Variants in CDH18 observed in about 807,000 individuals in gnomAD.
CDH18 encodes the protein cadherin 18, also known as cadherin-18.
CDH18 carries 31 observed loss-of-function variants against 67.9 expected under a neutral mutation model. The ratio of observed to expected loss-of-function variants is 0.46; its 90% CI spans 0.34 to 0.62. The LOEUF (loss-of-function observed/expected upper bound fraction) is 0.62, where lower values mean the gene tolerates loss of function less well. Ranked by LOEUF, CDH18 falls within the 20% of genes least tolerant of loss-of-function variation. The probability of loss-of-function intolerance (pLI) is 0.01; values close to 1 mark genes in which losing one functional copy is unlikely to be tolerated. For synonymous variants in CDH18, 362 were observed against 347.2 expected (o/e 1.04, Z -0.48); for missense variants, 890 against 975.5 (o/e 0.91, Z 1.17).
chr5:19,483,255 C>T (rs761968282), intron 12 of CDH18, 46 bp downstream of exon 12: 1 of 1,557,730 alleles, frequency 6.4e-7, no homozygotes, highest in Non-Finnish European at 8.7e-7. Context: ...GATTCCCTCT[C>T]ATTCAGAATT....
intron 1 of CDH18, among the ~76,000 whole-genome samples, chr5:20,294,905 T>G (rs547180308): frequency 1.2e-4 from 19 of 152,322 alleles, no homozygotes; most frequent in African/African-American, 4.3e-4. Context: ...ATTGACTCAG[T>G]ATAGTCACTT....
intron 1 of CDH18, among the ~76,000 whole-genome samples, chr5:20,377,345 C>CA (rs1232127229): frequency 6.6e-6 from 1 of 151,852 alleles, no homozygotes; most frequent in African/African-American, 2.4e-5. Flanking sequence ...ATCTCATTTC[C>CA]AAAAAAATGA....
At chr5:20,378,087 T>G (rs10070476) in intron 1 of CDH18, among the ~76,000 whole-genome samples, 25,277 of 152,196 alleles carry the variant, frequency 0.17, 2,237 homozygotes, top group African/African-American at 0.18. Context: ...AAAATTGTTT[T>G]GCCTATCTGT....
At chr5:20,490,479 A>G (rs1270965282) in intron 1 of CDH18, among the ~76,000 whole-genome samples, 1 of 152,166 alleles carries the variant, frequency 6.6e-6, no homozygotes, top group Non-Finnish European at 1.5e-5. Flanking sequence ...TCAAAGTTCT[A>G]TTAGAAGGCT....
At chr5:20,448,674 T>G (rs1750194531) in intron 1 of CDH18, among the ~76,000 whole-genome samples, 1 of 152,136 alleles carries the variant, frequency 6.6e-6, no homozygotes, top group African/African-American at 2.4e-5. Context: ...ATACAGTACT[T>G]ATTTTTACAG....
chr5:20,566,222 A>G (rs770511983), intron 1 of CDH18, among the ~76,000 whole-genome samples: 4 of 152,154 alleles, frequency 2.6e-5, no homozygotes, highest in Non-Finnish European at 5.9e-5. Flanking sequence ...AGGCTAGGCT[A>G]CATACTCAGA....
intron 2 of CDH18, among the ~76,000 whole-genome samples, chr5:20,129,822 T>G (rs1688308765): frequency 6.6e-6 from 1 of 151,996 alleles, no homozygotes; most frequent in African/African-American, 2.4e-5. Context: ...ACATAAGATA[T>G]GCAAAGCATA....
At chr5:20,370,913 T>A (rs1202376405) in intron 1 of CDH18, among the ~76,000 whole-genome samples, 1 of 152,012 alleles carries the variant, frequency 6.6e-6, no homozygotes, top group Non-Finnish European at 1.5e-5. Flanking sequence ...GGCAGGCATC[T>A]GTAATCCCAG....
intron 1 of CDH18, among the ~76,000 whole-genome samples, chr5:20,492,946 C>T (rs2126395256): frequency 6.6e-6 from 1 of 152,176 alleles, no homozygotes; most frequent in Non-Finnish European, 1.5e-5. Flanking sequence ...GATAAGCCAA[C>T]ATCTGATCAA....
rs570073949 is a variant in CDH18 at position 20,225,264 on chromosome 5, G to A, written c.-518+30180C>T. Among the ~76,000 whole-genome samples the A allele has an allele frequency of 4.6e-5, 7 of 152,144 alleles. No individual in the cohort carries two copies. In the South Asian group the frequency reaches 6.2e-4, roughly 14 times the overall value. On this transcript the variant is annotated intron_variant, in intron 2 of 14. Coordinates refer to the CDH18 transcript ENST00000507958. ...ATTGTTTCTCTCCCATAACTAGAAGGTAATCTCTACTGAAGGAGAACAATA... is the reference window on the plus strand; with the variant it reads ...ATTGTTTCTCTCCCATAACTAGAAGATAATCTCTACTGAAGGAGAACAATA...
At chr5:20,194,026 C>A (rs1738758932) in intron 2 of CDH18, among the ~76,000 whole-genome samples, 1 of 152,062 alleles carries the variant, frequency 6.6e-6, no homozygotes, top group Non-Finnish European at 1.5e-5. Flanking sequence ...AGTCTTGTAA[C>A]TTTGAACAAT....
At chr5:20,159,643 C>A (rs2126605881) in intron 2 of CDH18, among the ~76,000 whole-genome samples, 1 of 152,196 alleles carries the variant, frequency 6.6e-6, no homozygotes, top group East Asian at 1.9e-4. Flanking sequence ...TAAAATTCCC[C>A]ATTGATGTTT....
chr5:19,548,932 T>C (rs1450016806), intron 8 of CDH18, among the ~76,000 whole-genome samples: 2 of 151,992 alleles, frequency 1.3e-5, no homozygotes, highest in African/African-American at 4.8e-5. Flanking sequence ...GTAGTTTTGG[T>C]AGAGACGGGG....
chr5:20,441,247 G>A (rs1032930346), intron 1 of CDH18, among the ~76,000 whole-genome samples: 3 of 151,926 alleles, frequency 2.0e-5, no homozygotes, highest in South Asian at 4.1e-4. Flanking sequence ...AGTCATTTAT[G>A]TGGAAAACAG....
intron 2 of CDH18, among the ~76,000 whole-genome samples, chr5:19,859,252 C>A (rs955556308): frequency 1.3e-5 from 2 of 152,050 alleles, no homozygotes; most frequent in Admixed American, 6.6e-5. Flanking sequence ...AATTCAGGCA[C>A]AGTTGGGTAG....
chr5:20,421,166 A>G lies in CDH18; in HGVS notation c.-580+154296T>C, dbSNP rs888502716. Among the ~76,000 whole-genome samples the G allele has an allele frequency of 3.3e-5, 5 of 151,042 alleles. 1 individual carries two copies. Among genetic ancestry groups the G allele is most frequent in the African/African-American group, 1.2e-4 (5 of 40,358 alleles). ...TCACTTGTTGTCATCTGACTGACAC[A>G]GGATCCCCTCTGTAGCTTTGTGCAC... On this transcript the variant is annotated intron_variant, in intron 1 of 14. Coordinates refer to the CDH18 transcript ENST00000507958.
chr5:20,360,322 C>A (rs909019359), intron 1 of CDH18, among the ~76,000 whole-genome samples: 1 of 152,002 alleles, frequency 6.6e-6, no homozygotes, highest in African/African-American at 2.4e-5. Flanking sequence ...TCCCTCTAGA[C>A]GGATTAAAGA....
At chr5:20,503,654 A>T (rs1055155922) in intron 1 of CDH18, among the ~76,000 whole-genome samples, 1 of 152,242 alleles carries the variant, frequency 6.6e-6, no homozygotes, top group South Asian at 2.1e-4. Context: ...TTCTGAGAGG[A>T]CGTTATCATT....
At chr5:20,213,663 C>T (rs1433270646) in intron 2 of CDH18, among the ~76,000 whole-genome samples, 2 of 151,918 alleles carry the variant, frequency 1.3e-5, no homozygotes, top group Non-Finnish European at 2.9e-5. Context: ...AAGATTTTCC[C>T]GTTTGTGTGC....
Sources: allele counts gnomAD v4.1 joint callset (sites outside exome capture counted in the v4.1 genomes callset), GRCh38; gene constraint gnomAD v4.1.1; transcripts MANE v1.5; gene names NCBI Gene and HGNC (gene_info 2026-07-23, HGNC 2026-07-21).